NCOA6: variants seen among roughly 807,000 people sequenced by gnomAD.
NCOA6 encodes NRC RAP250.
NCOA6 carries 49 observed loss-of-function variants against 171.4 expected under a neutral mutation model. The ratio of observed to expected loss-of-function variants is 0.29; its 90% CI spans 0.23 to 0.36. The LOEUF (loss-of-function observed/expected upper bound fraction) is 0.36, where lower values mean the gene tolerates loss of function less well. Among genes scored for constraint, NCOA6 ranks in the 10% least tolerant of loss-of-function variants. The pLI, the probability that NCOA6 is intolerant of heterozygous loss-of-function variation, is 1.00. For missense variants in NCOA6, 2,248 were observed against 2,554.5 expected (o/e 0.88, Z 2.59); for synonymous variants, 910 against 927.5 (o/e 0.98, Z 0.34).
chr20:34,804,334 CATAA>C (rs902450918), intron 1 of NCOA6, among the ~76,000 whole-genome samples: 4 of 151,652 alleles, frequency 2.6e-5, no homozygotes, highest in African/African-American at 7.3e-5. Context: ...GAGACCTTGT[CATAA>C]ATAAATAAAT....
At chr20:34,736,643 C>A in intron 12 of NCOA6, 47 bp downstream of exon 12, 2 of 1,496,750 alleles carry the variant, frequency 1.3e-6, no homozygotes, top group Non-Finnish European at 9.2e-7. Context: ...AGTTCCTTCA[C>A]ATGTAACCCA....
Position 34,775,187 on chromosome 20 carries a change from G to T in NCOA6, c.391+1106C>A, listed in dbSNP as rs887260899. ...ACACAAGATAAGGCTGGATGAGGAAGGTAGAGGTGAGACCATGCAAAGCCT... is the reference window on the plus strand; with the variant it reads ...ACACAAGATAAGGCTGGATGAGGAATGTAGAGGTGAGACCATGCAAAGCCT... On this transcript the variant is annotated intron_variant, in intron 4 of 14. Transcript: ENST00000359003. 1.9e-4 allele frequency among the ~76,000 whole-genome samples: 29 copies of T among 152,236 alleles called. 1 individual carries two copies. Among genetic ancestry groups the T allele is most frequent in the African/African-American group, 6.7e-4 (28 of 41,544 alleles).
intron 13 of NCOA6, among the ~76,000 whole-genome samples, chr20:34,731,169 G>A (rs1417199173): frequency 2.0e-5 from 3 of 152,102 alleles, no homozygotes; most frequent in African/African-American, 7.2e-5. Context: ...ATAGGCATGC[G>A]CCACCATGCC....
chr20:34,776,242 C>A, intron 4 of NCOA6, 51 bp downstream of exon 4: 1 of 1,580,294 alleles, frequency 6.3e-7, no homozygotes, highest in Non-Finnish European at 8.6e-7. Flanking sequence ...ATGCTATATT[C>A]TACTGTTGTA....
rs1395648746 is a variant in NCOA6, at chr20:34,741,195, A to G, written c.5061T>C (p.Ser1687=). The G allele has an allele frequency of 1.9e-6, 3 of 1,614,136 alleles. No homozygotes were observed. Among genetic ancestry groups the G allele is most frequent in the Non-Finnish European group, 2.5e-6 (3 of 1,180,050 alleles). ...TIPAAPLTTN[S]GLMPPSVAVV... ...CTGCAACAGAGGGAGGCATCAGGCC[A>G]GAGTTGGTTGTCAGTGGGGCTGCAG... Residue 1687 remains serine (S), a synonymous_variant, in exon 11 of 15, where the codon TCT becomes TCC. Coordinates refer to ENST00000359003, the MANE Select transcript of NCOA6 (RefSeq NM_014071.5).
At chr20:34,802,944 TCCTC>T (rs888210279) in intron 1 of NCOA6, among the ~76,000 whole-genome samples, 30 of 151,992 alleles carry the variant, frequency 2.0e-4, no homozygotes, top group Admixed American at 3.3e-4. Context: ...ACCCAAGTGA[TCCTC>T]CCACCTCAGC....
intron 1 of NCOA6, among the ~76,000 whole-genome samples, chr20:34,809,089 G>C (rs2078565074): frequency 6.6e-6 from 1 of 152,092 alleles, no homozygotes; most frequent in Non-Finnish European, 1.5e-5. Context: ...TGCTTATTTT[G>C]CTTTTTGGAT....
intron 5 of NCOA6, among the ~76,000 whole-genome samples, chr20:34,765,063 G>A (rs2076935820): frequency 1.3e-5 from 2 of 151,712 alleles, no homozygotes; most frequent in Non-Finnish European, 2.9e-5. Context: ...ACAGGTTGCA[G>A]TGAGCTGAGA....
chr20:34,776,630 G>T, intron 3 of NCOA6, 182 bp from the exon 4 acceptor site: 1 of 738,098 alleles, frequency 1.4e-6, no homozygotes, highest in Non-Finnish European at 2.4e-6. Flanking sequence ...TTAGCACCTG[G>T]GTGACCATGA....
chr20:34,735,814 T>A (rs1414997733), intron 12 of NCOA6, among the ~76,000 whole-genome samples: 1 of 152,160 alleles, frequency 6.6e-6, no homozygotes, highest in Non-Finnish European at 1.5e-5. Context: ...TCACAAACTA[T>A]ACCTTACTTT....
chr20:34,724,453 T>C (rs902160568), intron 14 of NCOA6, among the ~76,000 whole-genome samples: 1 of 152,302 alleles, frequency 6.6e-6, no homozygotes, highest in East Asian at 1.9e-4. Flanking sequence ...AGAATCTGCC[T>C]GGTCTTTAGG....
rs1568901797 is a variant in NCOA6 at position 34,817,132 on chromosome 20, CAA to C, written c.-164+8338_-164+8339del. Among the ~76,000 whole-genome samples, 2 of 92,796 alleles carry C rather than the reference CAA, an allele frequency of 2.2e-5. 1 individual carries two copies. Among genetic ancestry groups the C allele is most frequent in the East Asian group, 4.8e-4 (2 of 4,126 alleles). The allele number at this position is 92,796 out of a possible 152,430, so 60.9% of individuals were successfully genotyped here. On this transcript the variant is annotated intron_variant, in intron 1 of 14. Coordinates refer to ENST00000359003, the MANE Select transcript of NCOA6 (RefSeq NM_014071.5). ...AGTGAGACTCCATCACACACACACACAAAAAAGCAAAAGCAAAAGCAAAAGAA... is the reference window on the plus strand; with the variant it reads ...AGTGAGACTCCATCACACACACACACAAAAGCAAAAGCAAAAGCAAAAGAA...
chr20:34,811,321 C>G (rs2078658515), intron 1 of NCOA6, among the ~76,000 whole-genome samples: 1 of 149,250 alleles, frequency 6.7e-6, no homozygotes, highest in Admixed American at 6.8e-5. Context: ...TAGAATTCCT[C>G]TGGCACCTGC....
chr20:34,738,866 T>G (rs1376882296), intron 11 of NCOA6: 1 of 455,854 alleles, frequency 2.2e-6, no homozygotes, highest in Non-Finnish European at 4.4e-6. Context: ...TACCCTGAAG[T>G]TTGTGTTCTT....
intron 8 of NCOA6, among the ~76,000 whole-genome samples, chr20:34,752,236 G>C (rs1331475467): frequency 2.6e-5 from 4 of 152,136 alleles, no homozygotes; most frequent in Non-Finnish European, 5.9e-5. Context: ...AACTATGAAG[G>C]CAGGGGGCAA....
chr20:34,785,632 A>ATG (rs1021502098), intron 2 of NCOA6, among the ~76,000 whole-genome samples: 56 of 152,256 alleles, frequency 3.7e-4, no homozygotes, highest in Admixed American at 9.2e-4. Flanking sequence ...CTAAAAAACT[A>ATG]TGACTATTTA....
In NCOA6 at chr20:34,779,380, G is replaced by A. The variant is rs986571675; in HGVS notation, c.235+2741C>T. On this transcript the variant is annotated intron_variant, in intron 3 of 14. Transcript: ENST00000359003. ...AAACAGAAAATTAGCTGGGTGCAGT[G>A]GCGTGCGCCTGTAGTCCCAGCTACT... Among the ~76,000 whole-genome samples, 22 of 152,132 alleles carry A rather than the reference G, an allele frequency of 1.4e-4. 1 individual carries two copies. The highest frequency in any genetic ancestry group is 4.4e-5 in the Non-Finnish European group (3 of 68,026).
chr20:34,730,818 G>A (rs1189295839), intron 13 of NCOA6, among the ~76,000 whole-genome samples: 1 of 149,198 alleles, frequency 6.7e-6, no homozygotes, highest in Non-Finnish European at 1.5e-5. Context: ...GGGCTCAGGT[G>A]ATCCTCCCAC....
chr20:34,752,914 C>CAA (rs71196760), intron 8 of NCOA6, among the ~76,000 whole-genome samples: 4 of 119,054 alleles, frequency 3.4e-5, no homozygotes, highest in African/African-American at 6.4e-5. Context: ...AACTCCATCT[C>CAA]AAAAAAAAAA....
Sources: allele counts gnomAD v4.1 joint callset (sites outside exome capture counted in the v4.1 genomes callset), GRCh38; gene constraint gnomAD v4.1.1; transcripts MANE v1.5; gene names NCBI Gene and HGNC (gene_info 2026-07-23, HGNC 2026-07-21).